RPL26L1: variants seen among roughly 807,000 people sequenced by gnomAD.
The protein encoded by RPL26L1 is ribosomal protein uL24-like.
Under a neutral mutation model 15.2 loss-of-function variants are expected in RPL26L1, and 8 were observed. The ratio of observed to expected loss-of-function variants is 0.53; its 90% CI spans 0.31 to 0.95. RPL26L1 has a LOEUF of 0.95. RPL26L1 is among the 40% of genes least tolerant of loss of function. The pLI is 0.05. For missense variants in RPL26L1, 146 were observed against 190.9 expected (o/e 0.76, Z 1.39); for synonymous variants, 51 against 65.9 (o/e 0.77, Z 1.09).
rs114864536 is a variant in RPL26L1, at chr5:172,966,814, G to C, written c.169-1645G>C. 5.6e-3 allele frequency among the ~76,000 whole-genome samples: 851 copies of C among 151,712 alleles called. 2 individuals carry two copies. Among genetic ancestry groups the C allele is most frequent in the Admixed American group, 1.0e-2 (152 of 15,262 alleles). On this transcript the variant is annotated intron_variant, in intron 2 of 3. Transcript: ENST00000265100. ...ATTGGGGTTCTCTAGTTCTTTATATGTGGTATCTCCTCTATGCTTATTAAT... is the reference window on the plus strand; with the variant it reads ...ATTGGGGTTCTCTAGTTCTTTATATCTGGTATCTCCTCTATGCTTATTAAT...
At position 172,959,852 on chromosome 5, in the gene RPL26L1, C is replaced by T; in HGVS notation, c.-9-13C>T. The T allele has an allele frequency of 6.2e-7, 1 of 1,613,846 alleles. No individual in the cohort carries two copies. Among genetic ancestry groups the T allele is most frequent in the African/African-American group, 1.3e-5 (1 of 75,024 alleles). ...GAGCGCCCCTTCATTCCGTCTCTCTCCGCCCTTTGTAGAGGGTCACCATGA... is the reference window on the plus strand; with the variant it reads ...GAGCGCCCCTTCATTCCGTCTCTCTTCGCCCTTTGTAGAGGGTCACCATGA... On this transcript the variant is annotated splice_polypyrimidine_tract_variant and intron_variant, in intron 1 of 3. Transcript: ENST00000265100.
chr5:172,965,735 CAT>C (rs1755427033), intron 2 of RPL26L1, among the ~76,000 whole-genome samples: 1 of 152,172 alleles, frequency 6.6e-6, no homozygotes, highest in East Asian at 1.9e-4. Flanking sequence ...GCTTTTCTCA[CAT>C]GTGTACATTC....
intron 2 of RPL26L1, among the ~76,000 whole-genome samples, chr5:172,963,173 T>C (rs908568068): frequency 2.6e-5 from 4 of 151,112 alleles, no homozygotes; most frequent in Middle Eastern, 3.2e-3. Flanking sequence ...AGGTCAGGAG[T>C]TCGAGACCAG....
At chr5:172,968,803 CTTTTTTTTTT>C (rs539398008) in intron 3 of RPL26L1, among the ~76,000 whole-genome samples, 6 of 74,346 alleles carry the variant, frequency 8.1e-5, no homozygotes, top group South Asian at 6.6e-4. Context: ...ATGGCTGTGT[CTTTTTTTTTT>C]TTTTTTTTTT....
chr5:172,954,444 T>G (rs909101383), upstream of RPL26L1, among the ~76,000 whole-genome samples: 8 of 96,018 alleles, frequency 8.3e-5, no homozygotes, highest in South Asian at 7.5e-4. Context: ...TGGCCTGTAG[T>G]CCCAGCCACC....
chr5:172,958,623 T>C (rs1309790138), upstream of RPL26L1: 1 of 314,552 alleles, frequency 3.2e-6, no homozygotes, highest in African/African-American at 2.2e-5. Context: ...CACAGCTCCG[T>C]CGGGACCAGA....
chr5:172,962,538 C>A (rs1471318962), intron 2 of RPL26L1, among the ~76,000 whole-genome samples: 1 of 149,636 alleles, frequency 6.7e-6, no homozygotes, highest in Non-Finnish European at 1.5e-5. Flanking sequence ...CAAAAAACGG[C>A]CAGGCACAGT....
intron 2 of RPL26L1, among the ~76,000 whole-genome samples, chr5:172,966,888 G>A (rs977142185): frequency 1.3e-4 from 19 of 150,432 alleles, no homozygotes; most frequent in African/African-American, 4.2e-4. Context: ...GCGGTGTCTC[G>A]CTCTGTCGCC....
At chr5:172,958,575 G>T, upstream of RPL26L1, 1 of 365,138 alleles carries the variant, frequency 2.7e-6, no homozygotes, top group South Asian at 1.9e-5. Context: ...CTTCCCTGCC[G>T]CCACGGTGCC....
chr5:172,967,150 G>C (rs957314665), intron 2 of RPL26L1, among the ~76,000 whole-genome samples: 1 of 149,192 alleles, frequency 6.7e-6, no homozygotes, highest in Non-Finnish European at 1.5e-5. Flanking sequence ...CACCGTGCCC[G>C]GCCCCCATGC....
upstream of RPL26L1, chr5:172,958,441 A>C (rs1265512765): frequency 2.2e-6 from 1 of 456,182 alleles, no homozygotes; most frequent in East Asian, 7.0e-5. Flanking sequence ...ATTTGGCACT[A>C]AGTTGTCGTT....
chr5:172,965,271 T>A (rs1424312815), intron 2 of RPL26L1, among the ~76,000 whole-genome samples: 1 of 152,204 alleles, frequency 6.6e-6, no homozygotes, highest in Admixed American at 6.5e-5. Flanking sequence ...TCTTGGAGCT[T>A]TTTTGGTCCC....
intron 2 of RPL26L1, among the ~76,000 whole-genome samples, chr5:172,960,321 G>T (rs1755182209): frequency 6.6e-6 from 1 of 152,102 alleles, no homozygotes; most frequent in African/African-American, 2.4e-5. Flanking sequence ...TTGCTATGTT[G>T]CCCAGGCTGG....
upstream of RPL26L1, among the ~76,000 whole-genome samples, chr5:172,954,501 A>T (rs1764309176): frequency 6.7e-6 from 1 of 148,904 alleles, no homozygotes; most frequent in Non-Finnish European, 1.5e-5. Context: ...AAGTGGGGGG[A>T]GTGGTGGAGG....
intron 3 of RPL26L1, among the ~76,000 whole-genome samples, chr5:172,968,803 CTTT>C (rs539398008): frequency 8.1e-5 from 6 of 74,346 alleles, no homozygotes; most frequent in African/African-American, 3.3e-4. Context: ...ATGGCTGTGT[CTTT>C]TTTTTTTTTT....
upstream of RPL26L1, chr5:172,955,615 G>C (rs1436891290): frequency 6.5e-6 from 1 of 153,020 alleles, no homozygotes; most frequent in East Asian, 1.9e-4. Context: ...GTGTGGACAA[G>C]AATACTCACT....
rs1755152096 is a variant in RPL26L1 at position 172,959,866 on chromosome 5, G to A, written c.-8G>A. 6.2e-6 allele frequency: 10 copies of A among 1,613,944 alleles called. No homozygotes were observed. Among genetic ancestry groups the A allele is most frequent in the Non-Finnish European group, 5.9e-6 (7 of 1,179,918 alleles). ...TCCGTCTCTCTCCGCCCTTTGTAGA[G>A]GGTCACCATGAAGTTCAATCCCTTC... On this transcript the variant is annotated splice_region_variant and 5_prime_UTR_variant, in exon 2 of 4. Transcript: ENST00000265100.
intron 2 of RPL26L1, among the ~76,000 whole-genome samples, chr5:172,964,064 T>A (rs1305841628): frequency 6.6e-6 from 1 of 152,008 alleles, no homozygotes; most frequent in Admixed American, 6.6e-5. Flanking sequence ...ATGTAGAAGG[T>A]GAGACAGAGA....
chr5:172,965,044 C>T (rs1178267408), intron 2 of RPL26L1, among the ~76,000 whole-genome samples: 2 of 152,166 alleles, frequency 1.3e-5, no homozygotes, highest in African/African-American at 2.4e-5. Context: ...ATTAGCTGGG[C>T]GTGATGGCAC....
Sources: allele counts gnomAD v4.1 joint callset (sites outside exome capture counted in the v4.1 genomes callset), GRCh38; gene constraint gnomAD v4.1.1; transcripts MANE v1.5; gene names NCBI Gene and HGNC (gene_info 2026-07-23, HGNC 2026-07-21).